The following MYO5B variants were observed in gnomAD, a reference collection of about 807,000 sequenced individuals.
MYO5B encodes the protein unconventional myosin-Vb.
Under a neutral mutation model 229.3 loss-of-function variants are expected in MYO5B, and 143 were observed. The observed-to-expected ratio is 0.62, with a 90% CI of 0.54 to 0.72. MYO5B has a LOEUF of 0.72. Among genes scored for constraint, MYO5B ranks in the 30% least tolerant of loss-of-function variants. The pLI is 0.00. For synonymous variants in MYO5B, 918 were observed against 885.2 expected, an observed-to-expected ratio of 1.04 and a Z score of -0.66; for missense variants, 2,321 against 2,331.0, an observed-to-expected ratio of 1.00 and a Z score of 0.09.
rs78842095 is a variant in MYO5B at position 49,998,949 on chromosome 18, G to A, written c.612+2306C>T. Among the ~76,000 whole-genome samples, 107 of 152,310 alleles carry A rather than the reference G, an allele frequency of 7.0e-4. No individual in the cohort carries two copies. In the East Asian group the frequency reaches 0.02, roughly 28 times the overall value. ...TGATGGATGTACAAACATCGTGAAT[G>A]TACCAAATGCCACTAAACTGTACAC... On this transcript the variant is annotated intron_variant, in intron 5 of 39. Coordinates refer to ENST00000285039, the MANE Select transcript of MYO5B (RefSeq NM_001080467.3).
At chr18:49,975,668 T>C (rs1273516838) in intron 9 of MYO5B, among the ~76,000 whole-genome samples, 1 of 152,066 alleles carries the variant, frequency 6.6e-6, no homozygotes, top group South Asian at 2.1e-4. Context: ...ACTGATAATA[T>C]CACACATGCT....
chr18:49,951,786 A>T (rs770195507), intron 14 of MYO5B, among the ~76,000 whole-genome samples: 2 of 152,208 alleles, frequency 1.3e-5, no homozygotes, highest in African/African-American at 4.8e-5. Flanking sequence ...ACAGGCCTCC[A>T]GGCATCGTAA....
chr18:49,942,928 C>T (rs7242112), intron 14 of MYO5B, among the ~76,000 whole-genome samples: 35,260 of 151,762 alleles, frequency 0.23, 5,816 homozygotes, highest in African/African-American at 0.47. Context: ...ATATTTATTG[C>T]GGCACTATTC....
intron 4 of MYO5B, among the ~76,000 whole-genome samples, chr18:50,003,416 T>C (rs1456304422): frequency 1.3e-5 from 2 of 152,204 alleles, no homozygotes; most frequent in Non-Finnish European, 2.9e-5. Flanking sequence ...TTCTCTCTCC[T>C]TGCTGCTGTG....
chr18:50,191,769 T>A (rs1022795382), intron 1 of MYO5B, among the ~76,000 whole-genome samples: 16 of 152,112 alleles, frequency 1.1e-4, no homozygotes, highest in African/African-American at 3.9e-4. Flanking sequence ...AACAAACCCA[T>A]AGTTTTATAC....
intron 16 of MYO5B, among the ~76,000 whole-genome samples, chr18:49,932,840 G>A (rs1195234551): frequency 2.6e-5 from 4 of 152,192 alleles, no homozygotes; most frequent in Non-Finnish European, 2.9e-5. Flanking sequence ...AAAACCCACC[G>A]TCAAATGCAT....
rs34686037 is a variant in MYO5B at position 50,103,999 on chromosome 18, TAAA to T, written c.28-48624_28-48622del. Among the ~76,000 whole-genome samples, 566 of 131,860 alleles carry T rather than the reference TAAA, an allele frequency of 4.3e-3. 5 individuals carry two copies. Among genetic ancestry groups the T allele is most frequent in the African/African-American group, 0.014 (505 of 36,000 alleles). The allele number at this position is 131,860 out of a possible 152,430, so 86.5% of individuals were successfully genotyped here. ...CAACACAGTGAGATCCCATCTCCAT[TAAA>T]AAAAAAAAAAAAAATAGCCCGTGTA... On this transcript the variant is annotated intron_variant, in intron 1 of 39. Transcript: ENST00000285039.
At chr18:50,026,943 C>T (rs902614101) in intron 4 of MYO5B, among the ~76,000 whole-genome samples, 3 of 152,202 alleles carry the variant, frequency 2.0e-5, no homozygotes, top group Admixed American at 6.5e-5. Context: ...AAGCCAGTCT[C>T]GTTACTGTCC....
chr18:50,083,437 T>C (rs73446687), intron 1 of MYO5B, among the ~76,000 whole-genome samples: 16,149 of 152,218 alleles, frequency 0.11, 1,681 homozygotes, highest in African/African-American at 0.27. Flanking sequence ...ATCCTGAAAC[T>C]ATTGTAATAC....
At chr18:49,827,393 C>T (rs990433862) in intron 39 of MYO5B, among the ~76,000 whole-genome samples, 13 of 152,230 alleles carry the variant, frequency 8.5e-5, no homozygotes, top group Non-Finnish European at 1.5e-4. Flanking sequence ...TGGGTCCCAG[C>T]AGATGCCTGT....
chr18:49,900,787 C>T (rs934340406), intron 21 of MYO5B, among the ~76,000 whole-genome samples: 17 of 152,298 alleles, frequency 1.1e-4, no homozygotes, highest in East Asian at 5.8e-4. Context: ...TCTGTGGCCA[C>T]CTCTACACCC....
At chr18:50,072,086 A>C (rs1201879185) in intron 1 of MYO5B, among the ~76,000 whole-genome samples, 1 of 152,096 alleles carries the variant, frequency 6.6e-6, no homozygotes, top group Non-Finnish European at 1.5e-5. Context: ...TTCTCTAGGC[A>C]CTCCCTTTGG....
At chr18:49,963,103 C>T (rs2025579743) in intron 10 of MYO5B, 73 bp from the exon 11 acceptor site, 1 of 1,259,374 alleles carries the variant, frequency 7.9e-7, no homozygotes, top group South Asian at 1.2e-5. Context: ...AACAAAGCTG[C>T]TCTGACCCAG....
chr18:49,997,438 C>T (rs888826415), intron 5 of MYO5B, among the ~76,000 whole-genome samples: 1 of 122,224 alleles, frequency 8.2e-6, no homozygotes, highest in African/African-American at 3.2e-5. Flanking sequence ...AGTGCAATGG[C>T]ATGATCTCGT....
chr18:50,151,953 T>G (rs2032605572), intron 1 of MYO5B, among the ~76,000 whole-genome samples: 4 of 152,178 alleles, frequency 2.6e-5, no homozygotes, highest in Admixed American at 2.6e-4. Flanking sequence ...CCAGAGAGCC[T>G]ACATCCTGGG....
intron 1 of MYO5B, among the ~76,000 whole-genome samples, chr18:50,152,659 A>G (rs2032617263): frequency 6.6e-6 from 1 of 152,186 alleles, no homozygotes; most frequent in Non-Finnish European, 1.5e-5. Context: ...AGCCACTAAC[A>G]TGCAGGCCCA....
chr18:49,978,513 T>C (rs1343563452), intron 9 of MYO5B, among the ~76,000 whole-genome samples: 2 of 151,936 alleles, frequency 1.3e-5, no homozygotes, highest in Non-Finnish European at 2.9e-5. Flanking sequence ...CATCCACTCT[T>C]ACTCTCCTGT....
At chr18:49,954,459 G>C in intron 12 of MYO5B, 24 bp from the exon 13 acceptor site, 2 of 1,613,776 alleles carry the variant, frequency 1.2e-6, no homozygotes, top group South Asian at 1.1e-5. Flanking sequence ...AGATAGGGCA[G>C]AGCGCTTTGT....
chr18:49,873,548 A>G (rs944760262), intron 26 of MYO5B, among the ~76,000 whole-genome samples: 1 of 152,140 alleles, frequency 6.6e-6, no homozygotes, highest in Non-Finnish European at 1.5e-5. Context: ...CTCCACCACC[A>G]CCAGTGGTAT....
Sources: allele counts gnomAD v4.1 joint callset (sites outside exome capture counted in the v4.1 genomes callset), GRCh38; gene constraint gnomAD v4.1.1; transcripts MANE v1.5; gene names NCBI Gene and HGNC (gene_info 2026-07-23, HGNC 2026-07-21).